The following ABTB3 variants were observed in gnomAD, a reference collection of about 807,000 sequenced individuals.
ABTB3 encodes the protein ankyrin repeat- and BTB/POZ domain-containing protein 3.
At chr12:107,439,453 T>G in the ABTB3 span, among the ~76,000 whole-genome samples, 29 of 152,268 alleles carry the variant, frequency 1.9e-4, no homozygotes, top group South Asian at 5.8e-3. Flanking sequence ...CATTCCCTTA[T>G]AGTGAGCCTG....
chr12:107,486,441 C>G, the ABTB3 span: 1 of 152,100 alleles, frequency 6.6e-6, no homozygotes, highest in East Asian at 1.9e-4. Context: ...TATTTATTAT[C>G]TGGCCCTTTA....
chr12:107,385,926 C>G, the ABTB3 span, among the ~76,000 whole-genome samples: 1 of 152,176 alleles, frequency 6.6e-6, no homozygotes. Flanking sequence ...GAAAGGGAAC[C>G]CTGGAACTTT....
chr12:107,515,594 A>G, the ABTB3 span, among the ~76,000 whole-genome samples: 1 of 152,206 alleles, frequency 6.6e-6, no homozygotes, highest in Non-Finnish European at 1.5e-5. Flanking sequence ...TGCCGTGGCA[A>G]CAGCTACTTG....
the ABTB3 span, among the ~76,000 whole-genome samples, chr12:107,401,894 G>A: frequency 6.8e-6 from 1 of 148,104 alleles, no homozygotes; most frequent in East Asian, 2.0e-4. Flanking sequence ...TCTTTATATA[G>A]TAGGTAACAA....
chr12:107,478,686 T>TTAATATACAACTAGTATATATAA, the ABTB3 span, among the ~76,000 whole-genome samples: 1 of 152,132 alleles, frequency 6.6e-6, no homozygotes, highest in Non-Finnish European at 1.5e-5. Flanking sequence ...CACCCTCATT[T>TTAATATACAACTAGTATATATAA]TAATATACAA....
chr12:107,485,305 T>C, the ABTB3 span, among the ~76,000 whole-genome samples: 5 of 152,178 alleles, frequency 3.3e-5, no homozygotes, highest in Admixed American at 6.5e-5. Flanking sequence ...AAGTTGTCAT[T>C]GTCCTCCTGA....
chr12:107,417,167 C>G, the ABTB3 span, among the ~76,000 whole-genome samples: 2 of 152,280 alleles, frequency 1.3e-5, no homozygotes, highest in African/African-American at 2.4e-5. Context: ...TTCATCCAAG[C>G]GTAGGTACAC....
the ABTB3 span, among the ~76,000 whole-genome samples, chr12:107,615,668 G>A: frequency 1.3e-5 from 2 of 152,174 alleles, no homozygotes; most frequent in East Asian, 1.9e-4. Context: ...TCTAGAGTAG[G>A]GCCTTGGCCA....
the ABTB3 span, among the ~76,000 whole-genome samples, chr12:107,568,800 C>A: frequency 2.0e-5 from 3 of 151,748 alleles, no homozygotes; most frequent in Non-Finnish European, 4.4e-5. Flanking sequence ...TCTGCAGTCT[C>A]CTAACGCCAC....
chr12:107,500,057 G>A, the ABTB3 span, among the ~76,000 whole-genome samples: 1 of 152,148 alleles, frequency 6.6e-6, no homozygotes, highest in Non-Finnish European at 1.5e-5. Context: ...GGGAGAAACA[G>A]CCATGGAGGA....
At chr12:107,376,518 A>C in the ABTB3 span, among the ~76,000 whole-genome samples, 1 of 152,158 alleles carries the variant, frequency 6.6e-6, no homozygotes, top group Non-Finnish European at 1.5e-5. Flanking sequence ...GCTGCAGTTC[A>C]GAAGGAAAGC....
the ABTB3 span, among the ~76,000 whole-genome samples, chr12:107,332,389 T>C: frequency 2.6e-5 from 4 of 152,164 alleles, no homozygotes; most frequent in Non-Finnish European, 5.9e-5. Context: ...ATGAGGCAGA[T>C]ATGGTTATCA....
the ABTB3 span, chr12:107,612,948 C>T: frequency 7.5e-7 from 1 of 1,340,842 alleles, no homozygotes; most frequent in Non-Finnish European, 1.0e-6. Flanking sequence ...GGCTTTTTCT[C>T]CCAAGAGCTG....
the ABTB3 span, among the ~76,000 whole-genome samples, chr12:107,448,307 T>C: frequency 3.3e-5 from 5 of 152,274 alleles, no homozygotes; most frequent in East Asian, 9.7e-4. Context: ...CCCAGAGCGG[T>C]AGCTGTGTTG....
the ABTB3 span, among the ~76,000 whole-genome samples, chr12:107,459,296 G>A: frequency 3.3e-5 from 5 of 152,136 alleles, no homozygotes; most frequent in Admixed American, 6.5e-5. Flanking sequence ...TCACATTGCC[G>A]CACTGAACCC....
At chr12:107,343,084 G>A in the ABTB3 span, among the ~76,000 whole-genome samples, 2 of 152,108 alleles carry the variant, frequency 1.3e-5, no homozygotes, top group Non-Finnish European at 2.9e-5. Flanking sequence ...GCACGATCAT[G>A]GCTCACTGCA....
the ABTB3 span, among the ~76,000 whole-genome samples, chr12:107,329,069 A>G: frequency 3.3e-5 from 5 of 152,130 alleles, no homozygotes; most frequent in East Asian, 9.6e-4. Flanking sequence ...CTCCAGGGAC[A>G]GCTCCCCCCA....
chr12:107,402,492 G>C, the ABTB3 span, among the ~76,000 whole-genome samples: 1 of 152,102 alleles, frequency 6.6e-6, no homozygotes, highest in East Asian at 1.9e-4. Flanking sequence ...AGGGCCCTTG[G>C]GATATGGTAC....
At chr12:107,610,118 T>C in the ABTB3 span, 1 of 1,577,136 alleles carries the variant, frequency 6.3e-7, no homozygotes, top group Non-Finnish European at 8.7e-7. Flanking sequence ...CCCAGGGTGC[T>C]TCCTGCGGAG....
Sources: allele counts gnomAD v4.1 joint callset (sites outside exome capture counted in the v4.1 genomes callset), GRCh38; gene constraint gnomAD v4.1.1; transcripts MANE v1.5; gene names NCBI Gene and HGNC (gene_info 2026-07-23, HGNC 2026-07-21).